The following CNTN6 variants were observed in gnomAD, a reference collection of about 807,000 sequenced individuals.
The protein encoded by CNTN6 is contactin-6.
CNTN6 carries 137 observed loss-of-function variants against 122.8 expected under a neutral mutation model. That is an observed-to-expected ratio of 1.12 (90% CI 0.97 to 1.29). CNTN6 has a LOEUF of 1.29. CNTN6 is among the 50% of genes most tolerant of loss of function. CNTN6 has a pLI of 0.00. For synonymous variants in CNTN6, 570 were observed against 426.0 expected (o/e 1.34, Z -4.16); for missense variants, 1,634 against 1,223.4 (o/e 1.34, Z -5.01).
intron 3 of CNTN6, among the ~76,000 whole-genome samples, chr3:1,224,809 A>C (rs190935928): frequency 1.3e-5 from 2 of 152,150 alleles, no homozygotes; most frequent in East Asian, 3.9e-4. Context: ...TCAGTGATGC[A>C]ATTTTGACTC....
chr3:1,302,961 C>A (rs753185701), intron 7 of CNTN6, among the ~76,000 whole-genome samples: 1 of 151,058 alleles, frequency 6.6e-6, no homozygotes, highest in Non-Finnish European at 1.5e-5. Context: ...TTTATCTTTG[C>A]ATCTCAGTTT....
chr3:1,162,591 A>C (rs970564528), intron 2 of CNTN6, among the ~76,000 whole-genome samples: 2 of 152,234 alleles, frequency 1.3e-5, no homozygotes, highest in Admixed American at 6.5e-5. Context: ...AACTTGATAT[A>C]TCTAAGTTCA....
chr3:1,350,609 A>G (rs1284313672), intron 11 of CNTN6, among the ~76,000 whole-genome samples: 1 of 151,888 alleles, frequency 6.6e-6, no homozygotes, highest in Non-Finnish European at 1.5e-5. Flanking sequence ...AAGGGGTAGT[A>G]TACTCAGGGT....
chr3:1,371,900 G>T (rs1709067008), intron 12 of CNTN6, among the ~76,000 whole-genome samples: 1 of 152,098 alleles, frequency 6.6e-6, no homozygotes. Context: ...TTAGAAACAT[G>T]GTTTGTCTCA....
intron 2 of CNTN6, among the ~76,000 whole-genome samples, chr3:1,204,063 C>A (rs1575224819): frequency 6.6e-6 from 1 of 152,158 alleles, no homozygotes; most frequent in Non-Finnish European, 1.5e-5. Flanking sequence ...CCCACAATGA[C>A]AAAATTGCCT....
intron 1 of CNTN6, among the ~76,000 whole-genome samples, chr3:1,129,059 A>G (rs1174628263): frequency 6.6e-6 from 1 of 152,038 alleles, no homozygotes; most frequent in African/African-American, 2.4e-5. Context: ...TATTCAAGGA[A>G]GGGTGTTAGA....
chr3:1,187,504 G>T (rs963981909), intron 2 of CNTN6, among the ~76,000 whole-genome samples: 6 of 152,072 alleles, frequency 3.9e-5, no homozygotes, highest in Admixed American at 6.5e-5. Flanking sequence ...CCAGAGTCCT[G>T]GTGTTATTCT....
At chr3:1,327,423 T>A (rs200508547) in intron 9 of CNTN6, 34 bp from the exon 10 acceptor site, 1 of 1,598,518 alleles carries the variant, frequency 6.3e-7, no homozygotes, top group East Asian at 2.2e-5. Context: ...TATATTAACG[T>A]ACAAGCATCT....
chr3:1,266,796 A>C (rs2094932648), intron 4 of CNTN6, among the ~76,000 whole-genome samples: 1 of 152,102 alleles, frequency 6.6e-6, no homozygotes, highest in Non-Finnish European at 1.5e-5. Context: ...CTATAAATGC[A>C]GTTGTTCTTG....
intron 11 of CNTN6, among the ~76,000 whole-genome samples, 190 bp downstream of exon 11, chr3:1,330,125 T>C (rs2126000219): frequency 6.6e-6 from 1 of 152,040 alleles, no homozygotes; most frequent in South Asian, 2.1e-4. Flanking sequence ...AATAAAGACC[T>C]GTTTGTATAA....
intron 7 of CNTN6, among the ~76,000 whole-genome samples, chr3:1,311,269 A>G (rs1699200703): frequency 6.8e-6 from 1 of 146,668 alleles, no homozygotes; most frequent in Non-Finnish European, 1.5e-5. Flanking sequence ...ATATGTGTAT[A>G]TATACATACA....
rs1708564196 is a variant in CNTN6, at chr3:1,368,668, A to G, written c.1493-3631A>G. Among the ~76,000 whole-genome samples the G allele has an allele frequency of 5.3e-5, 8 of 152,316 alleles. No homozygotes were observed. The South Asian group carries it at 1.7e-3, about 32-fold the overall frequency. ...AAACAATTGACCAGAAAAGTAATGGAGAAAATTATATAATCAATCAAGATA... is the reference window on the plus strand; with the variant it reads ...AAACAATTGACCAGAAAAGTAATGGGGAAAATTATATAATCAATCAAGATA... On this transcript the variant is annotated intron_variant, in intron 12 of 22. Transcript: ENST00000446702.
chr3:1,166,822 G>A (rs1037050183), intron 2 of CNTN6, among the ~76,000 whole-genome samples: 1 of 152,112 alleles, frequency 6.6e-6, no homozygotes. Flanking sequence ...CTCATAAGTG[G>A]GAGTTGAGCT....
chr3:1,103,770 A>G (rs945773556), intron 1 of CNTN6, among the ~76,000 whole-genome samples: 2 of 152,190 alleles, frequency 1.3e-5, no homozygotes, highest in Middle Eastern at 3.2e-3. Context: ...TTCCAAAGAA[A>G]CATGGAACAA....
intron 11 of CNTN6, among the ~76,000 whole-genome samples, chr3:1,349,197 A>C (rs1378022715): frequency 6.6e-6 from 1 of 151,922 alleles, no homozygotes; most frequent in Non-Finnish European, 1.5e-5. Flanking sequence ...GACTCATTAT[A>C]TATTAGTAGT....
intron 1 of CNTN6, among the ~76,000 whole-genome samples, chr3:1,105,755 C>G (rs960340867): frequency 1.3e-5 from 2 of 152,134 alleles, no homozygotes; most frequent in African/African-American, 2.4e-5. Context: ...GTGTTATCAA[C>G]TTTTTACCTC....
At chr3:1,247,398 G>A (rs2094597278) in intron 4 of CNTN6, among the ~76,000 whole-genome samples, 1 of 151,714 alleles carries the variant, frequency 6.6e-6, no homozygotes, top group South Asian at 2.1e-4. Flanking sequence ...AGTAATTACT[G>A]CAGTCTTACA....
chr3:1,392,464 C>A (rs1279799826), intron 20 of CNTN6, among the ~76,000 whole-genome samples: 2 of 152,062 alleles, frequency 1.3e-5, no homozygotes, highest in Non-Finnish European at 2.9e-5. Flanking sequence ...TAAAAGAAAA[C>A]CTAGGCATTA....
At chr3:1,295,565 G>T in intron 5 of CNTN6, 36 bp from the exon 6 acceptor site, 1 of 1,532,316 alleles carries the variant, frequency 6.5e-7, no homozygotes, top group Non-Finnish European at 9.0e-7. Flanking sequence ...GGACAGTATG[G>T]TTTTGTTTTG....
Sources: gnomAD v4.1 joint callset for allele counts (sites outside exome capture counted in the v4.1 genomes callset) on GRCh38, gnomAD v4.1.1 for gene constraint, MANE v1.5 for transcripts, NCBI Gene and HGNC (gene_info 2026-07-23, HGNC 2026-07-21) for gene names.